OR4N5: variants seen among roughly 807,000 people sequenced by gnomAD.
OR4N5 encodes the protein olfactory receptor 4N5.
For synonymous variants in OR4N5, 155 were observed against 140.6 expected, an observed-to-expected ratio of 1.10 and a Z score of -0.72; for missense variants, 428 against 370.0, an observed-to-expected ratio of 1.16 and a Z score of -1.29.
Position 20,144,421 on chromosome 14 carries a change from C to G in OR4N5, c.686C>G (p.Ser229Cys). The change falls in exon 3 of 3, where the codon TCC becomes TGC. Residue 229 changes from serine to cysteine, a missense_variant. Transcript: ENST00000641086. Reference sequence around the variant, plus strand: ...ATCCTCTGTCGTATAAGGGAGCACTCCTCTGAAGGAAAGAGCAAGGCTATT... The same window carrying G: ...ATCCTCTGTCGTATAAGGGAGCACTGCTCTGAAGGAAAGAGCAAGGCTATT... ...AVILCRIREHSSEGKSKAIST... is the reference protein window; with the variant it reads ...AVILCRIREHCSEGKSKAIST... The G allele has an allele frequency of 6.2e-7, 1 of 1,614,024 alleles. No individual in the cohort carries two copies. The highest frequency in any genetic ancestry group is 8.5e-7 in the Non-Finnish European group (1 of 1,179,956).
chr14:20,144,632 G>A lies in OR4N5; in HGVS notation c.897G>A (p.Arg299=), dbSNP rs185629231. Residue 299 remains arginine (R), a synonymous_variant, in exon 3 of 3, where the codon AGG becomes AGA. Coordinates refer to ENST00000641086, the MANE Select transcript of OR4N5 (RefSeq NM_001004724.2). The part of the protein sequence containing the change: ...LRNQEVKASM[R]KLLSQHMFC ...ACCAGGAGGTGAAAGCTTCCATGAG[G>A]AAGTTGTTAAGTCAACATATGTTTT... The A allele has an allele frequency of 1.9e-6, 3 of 1,612,028 alleles. No individual in the cohort carries two copies. In the East Asian group the frequency reaches 6.7e-5, roughly 36 times the overall value.
rs1217631317 is a variant in OR4N5, at chr14:20,140,896, G to A, written c.-327G>A. The A allele has an allele frequency of 6.6e-6, 1 of 151,230 alleles. No homozygotes were observed. Among genetic ancestry groups the A allele is most frequent in the Non-Finnish European group, 1.5e-5 (1 of 67,846 alleles). The allele number at this position is 151,230 out of a possible 1,614,324, so 9.4% of individuals were successfully genotyped here. A position where few individuals can be genotyped will look rare whatever the true frequency, so the allele number is the denominator to read the frequency against. On this transcript the variant is annotated 5_prime_UTR_variant, in exon 2 of 3. Transcript: ENST00000641086. ...TTGTTTGGTGCTTTTTTTTTTTCGG[G>A]AACTCATTTTGTACAGAGGAATGCC... is the stretch of plus-strand genomic sequence containing the variant.
chr14:20,144,474 A>C lies in OR4N5; in HGVS notation c.739A>C (p.Ile247Leu), dbSNP rs1424401144. The change falls in exon 3 of 3, where the codon ATA (isoleucine) becomes CTA (leucine). Residue 247 changes from isoleucine to leucine, a missense_variant. Physicochemically the swap from Ile to Leu is conservative, Grantham distance 5 (BLOSUM62 2). Coordinates refer to ENST00000641086, the MANE Select transcript of OR4N5 (RefSeq NM_001004724.2). ...ISTCTTHIIIIFLMFGPAIFI... is the reference protein window; with the variant it reads ...ISTCTTHIIILFLMFGPAIFI... ...CACATGCACCACCCATATTATCATT[A>C]TATTTCTCATGTTTGGACCTGCTAT... is the stretch of plus-strand genomic sequence containing the variant. The C allele has an allele frequency of 6.2e-7, 1 of 1,613,896 alleles. No individual in the cohort carries two copies. Among genetic ancestry groups the C allele is most frequent in the Non-Finnish European group, 8.5e-7 (1 of 1,179,944 alleles).
intron 2 of OR4N5, among the ~76,000 whole-genome samples, chr14:20,142,418 T>C (rs901277189): frequency 6.6e-6 from 1 of 152,316 alleles, no homozygotes; most frequent in East Asian, 1.9e-4. Flanking sequence ...TGTGAACAAA[T>C]ACATTTTTAA....
Position 20,144,169 on chromosome 14 carries a change from C to G in OR4N5, c.434C>G (p.Ser145Trp). The change falls in exon 3 of 3, where the codon TCG becomes TGG. Residue 145 changes from serine to tryptophan, a missense_variant. Coordinates refer to ENST00000641086, the MANE Select transcript of OR4N5 (RefSeq NM_001004724.2). The stretch of plus-strand genomic sequence containing the variant: ...AACCCTAGAGCCTGCTATGCATTAT[C>G]GTTGGTTCTGTGGCTTGGGGGCTTT... ...IMNPRACYAL[S>W]LVLWLGGFIH... 6.2e-7 allele frequency: 1 copy of G among 1,614,126 alleles called. No individual in the cohort carries two copies.
rs766572582 is a variant in OR4N5 at position 20,144,615 on chromosome 14, G to A, written c.880G>A (p.Val294Met). 6.2e-6 allele frequency: 10 copies of A among 1,613,022 alleles called. No homozygotes were observed. Among genetic ancestry groups the A allele is most frequent in the South Asian group, 1.1e-5 (1 of 90,948 alleles). Reference sequence around the variant, plus strand: ...TATTTATACGCTTCGCAACCAGGAGGTGAAAGCTTCCATGAGGAAGTTGTT... The same window carrying A: ...TATTTATACGCTTCGCAACCAGGAGATGAAAGCTTCCATGAGGAAGTTGTT... The part of the protein sequence containing the change: ...PVIYTLRNQE[V>M]KASMRKLLSQ... Residue 294 changes from valine to methionine, a missense_variant, in exon 3 of 3, where the codon GTG becomes ATG. Val to Met is a conservative substitution (Grantham distance 21, BLOSUM62 1). Coordinates refer to ENST00000641086, the MANE Select transcript of OR4N5 (RefSeq NM_001004724.2).
chr14:20,143,361 G>C (rs1195781836), intron 2 of OR4N5, among the ~76,000 whole-genome samples: 1 of 152,144 alleles, frequency 6.6e-6, no homozygotes, highest in African/African-American at 2.4e-5. Context: ...AGAGACAGTG[G>C]ACCACCACTA....
rs573862022 is a variant in OR4N5 at position 20,145,013 on chromosome 14, G to T, written c.*351G>T. 1.1e-5 allele frequency: 2 copies of T among 178,352 alleles called. No individual in the cohort carries two copies. Among genetic ancestry groups the T allele is most frequent in the Non-Finnish European group, 1.2e-5 (1 of 84,786 alleles). 11.0% of individuals were successfully genotyped at this position (178,352 alleles called of 1,614,324 possible). A position where few individuals can be genotyped will look rare whatever the true frequency, so the allele number is the denominator to read the frequency against. ...GGGAGGTGGTAATTACCTTACTTTTGGTTGTTAAGTGAGGCCTCAAGTGGT... is the reference window on the plus strand; with the variant it reads ...GGGAGGTGGTAATTACCTTACTTTTTGTTGTTAAGTGAGGCCTCAAGTGGT... On this transcript the variant is annotated 3_prime_UTR_variant, in exon 3 of 3. Coordinates refer to ENST00000641086, the MANE Select transcript of OR4N5 (RefSeq NM_001004724.2).
Position 20,144,600 on chromosome 14 carries a change from C to G in OR4N5, c.865C>G (p.Leu289Val). ...FPLMNPVIYT[L>V]RNQEVKASMR... ...TTTGATGAACCCTGTTATTTATACG[C>G]TTCGCAACCAGGAGGTGAAAGCTTC... Residue 289 changes from leucine (L) to valine (V), a missense_variant, in exon 3 of 3, where the codon CTT (leucine) becomes GTT (valine). Physicochemically the swap from Leu to Val is conservative, Grantham distance 32. Coordinates refer to ENST00000641086, the MANE Select transcript of OR4N5 (RefSeq NM_001004724.2). 2 of 1,613,660 alleles carry G rather than the reference C, an allele frequency of 1.2e-6. No homozygotes were observed. The highest frequency in any genetic ancestry group is 2.2e-5 in the East Asian group (1 of 44,844).
chr14:20,143,651 A>G, intron 2 of OR4N5, 74 bp from the exon 3 acceptor site: 1 of 990,206 alleles, frequency 1.0e-6, no homozygotes, highest in Non-Finnish European at 1.5e-6. Context: ...TAATGTTCTT[A>G]TCTGGAGAGG....
chr14:20,142,419 A>T (rs1369621728), intron 2 of OR4N5, among the ~76,000 whole-genome samples: 2 of 152,154 alleles, frequency 1.3e-5, no homozygotes, highest in African/African-American at 4.8e-5. Context: ...GTGAACAAAT[A>T]CATTTTTAAA....
At position 20,143,781 on chromosome 14, in the gene OR4N5, G is replaced by A. The variant is rs1427769827; in HGVS notation, c.46G>A (p.Gly16Ser). The stretch of plus-strand genomic sequence containing the variant: ...AGTGGTGACAGAATTCATTCTTCTT[G>A]GTCTGACCCAGTCTCAAGATGCTCA... ...LTVVTEFILL[G>S]LTQSQDAQLL... The change falls in exon 3 of 3, where the codon GGT (glycine) becomes AGT (serine). Residue 16 changes from glycine (G) to serine (S), a missense_variant. By Grantham distance (56) the Gly-to-Ser change is moderately conservative. Transcript: ENST00000641086. The A allele has an allele frequency of 6.2e-7, 1 of 1,613,560 alleles. No homozygotes were observed. Among genetic ancestry groups the A allele is most frequent in the South Asian group, 1.1e-5 (1 of 91,000 alleles).
intron 1 of OR4N5, among the ~76,000 whole-genome samples, chr14:20,139,925 G>T (rs1878583480): frequency 6.6e-6 from 1 of 152,042 alleles, no homozygotes; most frequent in East Asian, 1.9e-4. Context: ...TTTTTATCAA[G>T]ATGAGTTAAA....
rs772834215 is a variant in OR4N5 at position 20,145,428 on chromosome 14, C to A, written c.*766C>A. 1.3e-5 allele frequency: 2 copies of A among 152,048 alleles called. No homozygotes were observed. The highest frequency in any genetic ancestry group is 4.8e-5 in the African/African-American group (2 of 41,418). 9.4% of individuals were successfully genotyped at this position (152,048 alleles called of 1,614,324 possible). A position where few individuals can be genotyped will look rare whatever the true frequency, so the allele number is the denominator to read the frequency against. ...GTAAAATATCATTAAGTGGAAAGTG[C>A]GTGCTGCTAAGTATTTTTTATTTAT... On this transcript the variant is annotated 3_prime_UTR_variant, in exon 3 of 3. Transcript: ENST00000641086.
In OR4N5 at chr14:20,144,441, G is replaced by A; in HGVS notation, c.706G>A (p.Ala236Thr). 6.2e-7 allele frequency: 1 copy of A among 1,613,930 alleles called. No individual in the cohort carries two copies. The highest frequency in any genetic ancestry group is 8.5e-7 in the Non-Finnish European group (1 of 1,179,920). Residue 236 changes from alanine (A) to threonine (T), a missense_variant, in exon 3 of 3, where the codon GCT (alanine) becomes ACT (threonine). By Grantham distance (58) the Ala-to-Thr change is moderately conservative (BLOSUM62 0). Coordinates refer to ENST00000641086, the MANE Select transcript of OR4N5 (RefSeq NM_001004724.2). ...REHSSEGKSK[A>T]ISTCTTHIII... is the part of the protein sequence containing the mutation. ...GCACTCCTCTGAAGGAAAGAGCAAG[G>A]CTATTTCCACATGCACCACCCATAT... is the stretch of plus-strand genomic sequence containing the variant.
In OR4N5 at chr14:20,142,951, C is replaced by A. The variant is rs144041917; in HGVS notation, c.-11-774C>A. ...GCAAAAATGTTTGTGAAAAGAATATCATTTGGCTCTCACTCTGAGATCTGA... is the reference window on the plus strand; with the variant it reads ...GCAAAAATGTTTGTGAAAAGAATATAATTTGGCTCTCACTCTGAGATCTGA... On this transcript the variant is annotated intron_variant, in intron 2 of 2. Transcript: ENST00000641086. Among the ~76,000 whole-genome samples the A allele has an allele frequency of 2.0e-5, 3 of 152,238 alleles. No individual in the cohort carries two copies. The South Asian group carries it at 6.2e-4, about 32-fold the overall frequency.
Position 20,141,111 on chromosome 14 carries a change from A to G in OR4N5, c.-112A>G, listed in dbSNP as rs2139074504. 1 of 152,314 alleles carries G rather than the reference A, an allele frequency of 6.6e-6. No homozygotes were observed. The highest frequency in any genetic ancestry group is 6.5e-5 in the Admixed American group (1 of 15,282). 9.4% of individuals were successfully genotyped at this position (152,314 alleles called of 1,614,324 possible). Reference sequence around the variant, plus strand: ...AGAAAATAAAAGCAAAGGAAGAGTGAGAGAGGCTGAAACTCTCAGGTGCTC... The same window carrying G: ...AGAAAATAAAAGCAAAGGAAGAGTGGGAGAGGCTGAAACTCTCAGGTGCTC... On this transcript the variant is annotated 5_prime_UTR_variant, in exon 2 of 3. Transcript: ENST00000641086.
chr14:20,143,682 G>C, intron 2 of OR4N5, 43 bp from the exon 3 acceptor site: 2 of 1,255,820 alleles, frequency 1.6e-6, no homozygotes, highest in Non-Finnish European at 1.1e-6. Flanking sequence ...CAGATGAAAA[G>C]GTGGTTATAA....
In OR4N5 at chr14:20,140,768, G is replaced by T. The variant is rs1438449851; in HGVS notation, c.-380-75G>T. 5.3e-5 allele frequency: 8 copies of T among 152,018 alleles called. No homozygotes were observed. In the East Asian group the frequency reaches 1.5e-3, roughly 29 times the overall value. 9.4% of individuals were successfully genotyped at this position (152,018 alleles called of 1,614,324 possible). A position where few individuals can be genotyped will look rare whatever the true frequency, so the allele number is the denominator to read the frequency against. ...TATATCTGTTGAAATAATAAGGAAG[G>T]TTAGAGATGGTGACCATCATTTAGG... On this transcript the variant is annotated intron_variant, in intron 1 of 2. Transcript: ENST00000641086.
Sources: gnomAD v4.1 joint callset for allele counts (sites outside exome capture counted in the v4.1 genomes callset) on GRCh38, gnomAD v4.1.1 for gene constraint, MANE v1.5 for transcripts, NCBI Gene and HGNC (gene_info 2026-07-23, HGNC 2026-07-21) for gene names.